BMP1: variants seen among roughly 807,000 people sequenced by gnomAD.
BMP1 encodes bone morphogenetic protein 1.
BMP1 carries 63 observed loss-of-function variants against 116.8 expected under a neutral mutation model. The ratio of observed to expected loss-of-function variants is 0.54; its 90% CI spans 0.44 to 0.67. BMP1 has a LOEUF of 0.67. BMP1 is among the 30% of genes least tolerant of loss of function. The probability of loss-of-function intolerance (pLI) is 0.00; values close to 1 mark genes in which losing one functional copy is unlikely to be tolerated. For missense variants in BMP1, 1,183 were observed against 1,358.9 expected (o/e 0.87, Z 2.04); for synonymous variants, 536 against 533.4 (o/e 1.00, Z -0.07).
At chr8:22,187,778 C>G (rs2131868816) in intron 8 of BMP1, among the ~76,000 whole-genome samples, 1 of 152,264 alleles carries the variant, frequency 6.6e-6, no homozygotes, top group Non-Finnish European at 1.5e-5. Context: ...CTTCATTCTA[C>G]TAGCAAAGTT....
intron 16 of BMP1, among the ~76,000 whole-genome samples, chr8:22,203,198 T>A (rs2131898054): frequency 6.6e-6 from 1 of 152,226 alleles, no homozygotes; most frequent in South Asian, 2.1e-4. Flanking sequence ...CCATTGAACA[T>A]CTGTGTGACT....
At chr8:22,202,042 T>C in intron 16 of BMP1, 114 bp downstream of exon 16, 1 of 1,396,182 alleles carries the variant, frequency 7.2e-7, no homozygotes, top group Non-Finnish European at 9.5e-7. Context: ...GTATGATCTC[T>C]AAGGCCCCCT....
intron 19 of BMP1, among the ~76,000 whole-genome samples, chr8:22,210,316 G>C (rs184733253): frequency 1.3e-4 from 19 of 151,312 alleles, no homozygotes; most frequent in South Asian, 1.3e-3. Flanking sequence ...GGCTAGCCTC[G>C]TGGGGAGGAT....
Position 22,186,745 on chromosome 8 carries a change from T to C in BMP1, c.1078-5304T>C, listed in dbSNP as rs1250003456. On this transcript the variant is annotated intron_variant, in intron 8 of 19. Coordinates refer to ENST00000306385, the MANE Select transcript of BMP1 (RefSeq NM_006129.5). Reference sequence around the variant, plus strand: ...TCCCTAAGTGCTGGGATTACAGGCGTGAGCCCCCATGCCTGGCCTGTTTCC... The same window carrying C: ...TCCCTAAGTGCTGGGATTACAGGCGCGAGCCCCCATGCCTGGCCTGTTTCC... 2.0e-5 allele frequency among the ~76,000 whole-genome samples: 3 copies of C among 151,974 alleles called. No homozygotes were observed. In the East Asian group the frequency reaches 5.8e-4, roughly 30 times the overall value.
rs939543211 is a variant in BMP1, at chr8:22,211,942, G to A, written c.*214G>A. ...AAACCCCCACCAGCAAGGGGCTGGG[G>A]CCAGGGAGCAGAGCTTCCACAAGAC... On this transcript the variant is annotated 3_prime_UTR_variant, in exon 20 of 20. Coordinates refer to ENST00000306385, the MANE Select transcript of BMP1 (RefSeq NM_006129.5). 5 of 667,934 alleles carry A rather than the reference G, an allele frequency of 7.5e-6. No individual in the cohort carries two copies. The highest frequency in any genetic ancestry group is 1.2e-5 in the Non-Finnish European group (5 of 402,942). The allele number at this position is 667,934 out of a possible 1,614,324, so 41.4% of individuals were successfully genotyped here. A position where few individuals can be genotyped will look rare whatever the true frequency, so the allele number is the denominator to read the frequency against.
intron 15 of BMP1, among the ~76,000 whole-genome samples, chr8:22,199,565 C>T (rs947950758): frequency 3.9e-5 from 6 of 152,158 alleles, no homozygotes; most frequent in African/African-American, 1.4e-4. Context: ...CGCGTTCACT[C>T]GCATTTGGCA....
intron 15 of BMP1, chr8:22,200,989 T>TTC: frequency 6.4e-4 from 88 of 137,104 alleles, no homozygotes; most frequent in South Asian, 1.4e-3. Context: ...CCGCCTGCCC[T>TTC]CCCGCCCCAC....
chr8:22,173,764 G>T (rs757035374), intron 2 of BMP1, 49 bp downstream of exon 2: 2 of 1,477,774 alleles, frequency 1.4e-6, no homozygotes, highest in African/African-American at 2.8e-5. Context: ...TGGGTTCCAG[G>T]CTTAGGGAAA....
At chr8:22,208,040 T>G (rs148984217) in intron 18 of BMP1, among the ~76,000 whole-genome samples, 1 of 148,634 alleles carries the variant, frequency 6.7e-6, no homozygotes. Flanking sequence ...CCTGCCACCA[T>G]GCCCAGCTAA....
chr8:22,211,730 C>T lies in BMP1; in HGVS notation c.*2C>T, dbSNP rs767737321. 1.2e-4 allele frequency: 189 copies of T among 1,614,056 alleles called. 1 individual carries two copies. The highest frequency in any genetic ancestry group is 1.5e-4 in the Non-Finnish European group (179 of 1,180,032). On this transcript the variant is annotated 3_prime_UTR_variant, in exon 20 of 20. Transcript: ENST00000306385. ...GACACACTCCACAGCAGGAAGTGACCACTGCCTGAGCAGGGGCGGGGACTG... is the reference window on the plus strand; with the variant it reads ...GACACACTCCACAGCAGGAAGTGACTACTGCCTGAGCAGGGGCGGGGACTG...
chr8:22,180,185 T>C (rs567478855), intron 7 of BMP1, among the ~76,000 whole-genome samples, 183 bp from the exon 8 acceptor site: 2 of 152,098 alleles, frequency 1.3e-5, no homozygotes, highest in East Asian at 1.9e-4. Context: ...GGAGGTAGGA[T>C]GGCGTGTGCT....
intron 16 of BMP1, among the ~76,000 whole-genome samples, chr8:22,204,431 T>A (rs544422503): frequency 7.2e-5 from 11 of 152,268 alleles, no homozygotes; most frequent in African/African-American, 2.6e-4. Flanking sequence ...AGCTTGTAAA[T>A]CTGAGTCGGG....
chr8:22,167,432 A>G (rs1320808169), intron 1 of BMP1, among the ~76,000 whole-genome samples: 2 of 152,190 alleles, frequency 1.3e-5, no homozygotes, highest in African/African-American at 2.4e-5. Context: ...GTGGCAGAGA[A>G]AAGTGATCAC....
chr8:22,166,142 C>G (rs12544208), intron 1 of BMP1, among the ~76,000 whole-genome samples: 68,014 of 151,662 alleles, frequency 0.45, 15,452 homozygotes, highest in Admixed American at 0.49. Flanking sequence ...GTAGTTTAAC[C>G]AGTAGCTGAA....
At chr8:22,197,704 G>A (rs755783119) in intron 15 of BMP1, among the ~76,000 whole-genome samples, 4 of 152,198 alleles carry the variant, frequency 2.6e-5, no homozygotes, top group Admixed American at 6.5e-5. Flanking sequence ...GATATTCCAG[G>A]TGTCAGGAGC....
chr8:22,201,444 TAA>T, intron 15 of BMP1: 1 of 1,408,712 alleles, frequency 7.1e-7, no homozygotes, highest in East Asian at 2.7e-5. Context: ...TGTTGTGAAG[TAA>T]AAGAGGGACC....
At chr8:22,209,995 C>T (rs1441223657) in intron 19 of BMP1, among the ~76,000 whole-genome samples, 1 of 152,278 alleles carries the variant, frequency 6.6e-6, no homozygotes, top group African/African-American at 2.4e-5. Flanking sequence ...ATGGAGCTTC[C>T]TCTGTCCCTC....
chr8:22,199,045 C>T (rs745970866), intron 15 of BMP1: 1 of 1,353,282 alleles, frequency 7.4e-7, no homozygotes, highest in Admixed American at 2.0e-5. Flanking sequence ...AGGGGACCGA[C>T]ACTCACATCT....
Position 22,210,477 on chromosome 8 carries a change from T to C in BMP1, c.2826+782T>C, listed in dbSNP as rs4871970. 3.7e-3 allele frequency among the ~76,000 whole-genome samples: 315 copies of C among 84,842 alleles called. 1 individual carries two copies. The highest frequency in any genetic ancestry group is 0.021 in the African/African-American group (278 of 13,244). The allele number at this position is 84,842 out of a possible 152,430, so 55.7% of individuals were successfully genotyped here. A position where few individuals can be genotyped will look rare whatever the true frequency, so the allele number is the denominator to read the frequency against. ...TCTCTCTCTCTCTCTCTCACACACA[T>C]ACACACACACTGGCACACCCACTTG... On this transcript the variant is annotated intron_variant, in intron 19 of 19. Transcript: ENST00000306385.
Sources: allele counts gnomAD v4.1 joint callset (sites outside exome capture counted in the v4.1 genomes callset), GRCh38; gene constraint gnomAD v4.1.1; transcripts MANE v1.5; gene names NCBI Gene and HGNC (gene_info 2026-07-23, HGNC 2026-07-21).